The following KIF21A variants were observed in gnomAD, a reference collection of about 807,000 sequenced individuals.
KIF21A encodes kinesin family member 21A.
KIF21A carries 114 observed loss-of-function variants against 202.9 expected under a neutral mutation model. The observed-to-expected ratio is 0.56, with a 90% CI of 0.48 to 0.66. KIF21A has a LOEUF of 0.66. Ranked by LOEUF, KIF21A falls within the 30% of genes least tolerant of loss-of-function variation. The pLI is 0.00. For synonymous variants in KIF21A, 667 were observed against 670.8 expected (o/e 0.99, Z 0.09); for missense variants, 1,677 against 1,994.9 (o/e 0.84, Z 3.04).
chr12:39,308,959 G>A (rs939616287), intron 33 of KIF21A, among the ~76,000 whole-genome samples: 1 of 152,082 alleles, frequency 6.6e-6, no homozygotes, highest in Non-Finnish European at 1.5e-5. Flanking sequence ...TGACTACCGA[G>A]TTTACGTCAA....
At chr12:39,401,198 A>G (rs1234675412) in intron 1 of KIF21A, among the ~76,000 whole-genome samples, 4 of 152,226 alleles carry the variant, frequency 2.6e-5, no homozygotes, top group Non-Finnish European at 5.9e-5. Flanking sequence ...AGGAACCAAA[A>G]GGAAATGAGG....
At chr12:39,322,924 T>G in intron 26 of KIF21A, 42 bp from the exon 27 acceptor site, 5 of 1,314,950 alleles carry the variant, frequency 3.8e-6, no homozygotes, top group Non-Finnish European at 4.1e-6. Context: ...GAGCAAACTC[T>G]TGCATAGAAG....
chr12:39,300,570 A>G (rs1247653742), intron 37 of KIF21A, among the ~76,000 whole-genome samples: 1 of 152,180 alleles, frequency 6.6e-6, no homozygotes. Flanking sequence ...AAATAGATAT[A>G]AATGGTACAC....
chr12:39,336,886 TATA>T (rs1336559856), intron 17 of KIF21A, among the ~76,000 whole-genome samples: 3 of 152,178 alleles, frequency 2.0e-5, no homozygotes, highest in Non-Finnish European at 4.4e-5. Context: ...AAATAAAATA[TATA>T]ATATTACAGT....
At chr12:39,441,657 T>G in intron 1 of KIF21A, among the ~76,000 whole-genome samples, 1 of 1,664 alleles carries the variant, frequency 6.0e-4, no homozygotes, top group African/African-American at 2.7e-3. Flanking sequence ...CCTCCCTGGG[T>G]GGTAAAAAAA....
intron 19 of KIF21A, 47 bp downstream of exon 19, chr12:39,332,846 A>G: frequency 6.2e-7 from 1 of 1,607,518 alleles, no homozygotes; most frequent in Non-Finnish European, 8.5e-7. Flanking sequence ...AACATTCAGT[A>G]TTAACGGCCA....
chr12:39,436,422 T>TTTTTTATATATATA (rs1424497663), intron 1 of KIF21A, among the ~76,000 whole-genome samples: 16 of 99,110 alleles, frequency 1.6e-4, no homozygotes, highest in African/African-American at 6.4e-4. Flanking sequence ...GTTTACTATA[T>TTTTTTATATATATA]TATATATATA....
intron 37 of KIF21A, among the ~76,000 whole-genome samples, chr12:39,297,194 G>A (rs145819745): frequency 5.3e-4 from 81 of 152,322 alleles, no homozygotes; most frequent in East Asian, 2.9e-3. Flanking sequence ...TGTAGAATGA[G>A]CAGGTTTCTT....
At chr12:39,315,997 G>A (rs1184612093) in intron 29 of KIF21A, 27 bp from the exon 30 acceptor site, 1 of 1,535,606 alleles carries the variant, frequency 6.5e-7, no homozygotes, top group East Asian at 2.3e-5. Context: ...AGAATTATGA[G>A]AGAAAGAATA....
In KIF21A at chr12:39,356,849, T is replaced by C. The variant is rs369782688; in HGVS notation, c.1452A>G (p.Lys484=). The part of the protein sequence containing the change: ...EISNMIHSYI[K]EIEDLRAKLL... Reference sequence around the variant, plus strand: ...AACTATACCTGAGATCTTCGATTTCTTTTATATAACTATGAATCATATTAC... The same window carrying C: ...AACTATACCTGAGATCTTCGATTTCCTTTATATAACTATGAATCATATTAC... The change falls in exon 10 of 38, where the codon AAA becomes AAG. Residue 484 remains lysine, a synonymous_variant. Transcript: ENST00000361418. 1.1e-5 allele frequency: 13 copies of C among 1,231,636 alleles called. No homozygotes were observed. The highest frequency in any genetic ancestry group is 1.3e-5 in the Non-Finnish European group (11 of 834,506). 76.3% of individuals were successfully genotyped at this position (1,231,636 alleles called of 1,614,324 possible). A position where few individuals can be genotyped will look rare whatever the true frequency, so the allele number is the denominator to read the frequency against.
intron 37 of KIF21A, among the ~76,000 whole-genome samples, chr12:39,300,230 T>C (rs1235803151): frequency 6.6e-6 from 1 of 152,202 alleles, no homozygotes; most frequent in African/African-American, 2.4e-5. Context: ...AAGTCTTGTA[T>C]TGGGTGTCCC....
Position 39,417,393 on chromosome 12 carries a change from A to T in KIF21A, c.44+25534T>A, listed in dbSNP as rs562634126. ...TTTTCCAATATCAATGATACTGACA[A>T]TTATAGCTTTTAGATTTTACCAAAT... is the stretch of plus-strand genomic sequence containing the variant. On this transcript the variant is annotated intron_variant, in intron 1 of 37. Transcript: ENST00000361418. Among the ~76,000 whole-genome samples, 11 of 152,296 alleles carry T rather than the reference A, an allele frequency of 7.2e-5. No homozygotes were observed. The South Asian group carries it at 2.1e-3, about 29-fold the overall frequency.
At position 39,366,449 on chromosome 12, in the gene KIF21A, T is replaced by G. The variant is rs780831155; in HGVS notation, c.804A>C (p.Ala268=). The G allele has an allele frequency of 6.2e-7, 1 of 1,613,808 alleles. No homozygotes were observed. The highest frequency in any genetic ancestry group is 1.1e-5 in the South Asian group (1 of 91,058). ...CTGCGAGATCAACAAAATGGAACTT[T>G]GCAGTCAGGGTTTCAAATTCATTCA... is the stretch of plus-strand genomic sequence containing the variant. The part of the protein sequence containing the change: ...AQMNEFETLT[A]KFHFVDLAGS... The change falls in exon 6 of 38, where the codon GCA becomes GCC. Residue 268 remains alanine (A), a synonymous_variant. Transcript: ENST00000361418.
At chr12:39,340,600 T>C (rs938050146) in intron 15 of KIF21A, among the ~76,000 whole-genome samples, 2 of 152,016 alleles carry the variant, frequency 1.3e-5, no homozygotes, top group African/African-American at 4.8e-5. Context: ...AATCAAAACA[T>C]TAAAACAACC....
At chr12:39,379,565 G>A (rs982831628) in intron 1 of KIF21A, among the ~76,000 whole-genome samples, 4 of 152,162 alleles carry the variant, frequency 2.6e-5, no homozygotes, top group Non-Finnish European at 5.9e-5. Context: ...TACCCTGGGA[G>A]ACTGATGTCC....
intron 1 of KIF21A, among the ~76,000 whole-genome samples, chr12:39,410,268 AT>A (rs760957671): frequency 3.3e-5 from 5 of 152,234 alleles, no homozygotes; most frequent in Admixed American, 6.5e-5. Context: ...AGTAAAACCA[AT>A]TTTGAACTTC....
chr12:39,389,405 G>T lies in KIF21A; in HGVS notation c.45-19144C>A, dbSNP rs148725231. On this transcript the variant is annotated intron_variant, in intron 1 of 37. Transcript: ENST00000361418. ...ATGGAATCATCCATGACACAAATTA[G>T]CTCAAAGGAACAACATGTGGTATAA... is the stretch of plus-strand genomic sequence containing the variant. Among the ~76,000 whole-genome samples, 200 of 152,222 alleles carry T rather than the reference G, an allele frequency of 1.3e-3. 3 individuals carry two copies. The East Asian group carries it at 0.02, about 15-fold the overall frequency.
At chr12:39,349,743 T>C (rs1948211727) in intron 11 of KIF21A, among the ~76,000 whole-genome samples, 1 of 152,104 alleles carries the variant, frequency 6.6e-6, no homozygotes, top group Admixed American at 6.6e-5. Context: ...GTTTTCATTT[T>C]TTAATTCAAA....
Position 39,421,723 on chromosome 12 carries a change from T to TTATATATATA in KIF21A, c.44+21194_44+21203dup, listed in dbSNP as rs374130613. ...AAATAAATAAATAAATATATATAAT[T>TTATATATATA]TATATATATATATATATATACACAT... On this transcript the variant is annotated intron_variant, in intron 1 of 37. Transcript: ENST00000361418. Among the ~76,000 whole-genome samples, 582 of 134,952 alleles carry TTATATATATA rather than the reference T, an allele frequency of 4.3e-3. 2 individuals carry two copies. The highest frequency in any genetic ancestry group is 0.012 in the African/African-American group (423 of 35,838). The allele number at this position is 134,952 out of a possible 152,430, so 88.5% of individuals were successfully genotyped here.
Sources: allele counts gnomAD v4.1 joint callset (sites outside exome capture counted in the v4.1 genomes callset), GRCh38; gene constraint gnomAD v4.1.1; transcripts MANE v1.5; gene names NCBI Gene and HGNC (gene_info 2026-07-23, HGNC 2026-07-21).